IRAK1BP1: variants seen among roughly 807,000 people sequenced by gnomAD.
The protein encoded by IRAK1BP1 is interleukin-1 receptor-associated kinase 1-binding protein 1.
In IRAK1BP1, 24 loss-of-function variants were observed where a neutral mutation model predicts 28.0. The observed-to-expected ratio is 0.86, with a 90% CI of 0.62 to 1.20. IRAK1BP1 has a LOEUF of 1.20. Among genes scored for constraint, IRAK1BP1 ranks in the 50% most tolerant of loss-of-function variants. IRAK1BP1 has a pLI of 0.00. For missense variants in IRAK1BP1, 336 were observed against 316.7 expected (o/e 1.06, Z -0.46); for synonymous variants, 131 against 116.3 (o/e 1.13, Z -0.81).
the IRAK1BP1 span, among the ~76,000 whole-genome samples, chr6:78,973,945 C>T: frequency 0.037 from 5,581 of 151,752 alleles, 102 homozygotes; most frequent in Middle Eastern, 0.058. Flanking sequence ...TAACACCCCA[C>T]TGTCAACATT....
At chr6:78,977,395 G>A in the IRAK1BP1 span, among the ~76,000 whole-genome samples, 2 of 152,060 alleles carry the variant, frequency 1.3e-5, no homozygotes, top group Admixed American at 1.3e-4. Flanking sequence ...GGACGGGGGA[G>A]GGATAGCATT....
At chr6:78,921,812 AG>A (rs1452017492) in intron 4 of IRAK1BP1, among the ~76,000 whole-genome samples, 1 of 152,202 alleles carries the variant, frequency 6.6e-6, no homozygotes, top group South Asian at 2.1e-4. Flanking sequence ...CCAGGAAAAC[AG>A]GGTCTGGAGT....
the IRAK1BP1 span, among the ~76,000 whole-genome samples, chr6:78,974,493 A>T: frequency 6.6e-6 from 1 of 151,762 alleles, no homozygotes; most frequent in Non-Finnish European, 1.5e-5. Flanking sequence ...AAACACATTC[A>T]AAAGCTAGCA....
downstream of IRAK1BP1, chr6:78,947,681 T>C: frequency 1.9e-6 from 3 of 1,538,810 alleles, no homozygotes; most frequent in Non-Finnish European, 2.7e-6. Context: ...TCTGACATCT[T>C]TACATAACTC....
rs967324553 is a variant in IRAK1BP1, at chr6:78,901,105, T to A, written c.*2771T>A. The A allele has an allele frequency of 4.0e-5, 6 of 151,862 alleles. No homozygotes were observed. 9.4% of individuals were successfully genotyped at this position (151,862 alleles called of 1,614,324 possible). A position where few individuals can be genotyped will look rare whatever the true frequency, so the allele number is the denominator to read the frequency against. On this transcript the variant is annotated 3_prime_UTR_variant, in exon 4 of 4. Transcript: ENST00000369940. ...ATCACATGGGTAGTTTTTTTTTTTT[T>A]AGCTATGGGTTCATGCTGTATTTGG...
chr6:78,969,430 TATG>T, the IRAK1BP1 span, among the ~76,000 whole-genome samples: 1 of 152,236 alleles, frequency 6.6e-6, no homozygotes, highest in African/African-American at 2.4e-5. Context: ...GAGACTTGTT[TATG>T]ATACTAATTT....
the IRAK1BP1 span, among the ~76,000 whole-genome samples, chr6:78,954,482 T>C: frequency 6.6e-6 from 1 of 151,846 alleles, no homozygotes; most frequent in Non-Finnish European, 1.5e-5. Flanking sequence ...TTTTTCTAGA[T>C]AATTGCCATA....
chr6:78,979,001 C>T, the IRAK1BP1 span, among the ~76,000 whole-genome samples: 4 of 152,020 alleles, frequency 2.6e-5, no homozygotes, highest in African/African-American at 9.7e-5. Flanking sequence ...GATGTGTAGG[C>T]ACTGTAGTAG....
At chr6:78,945,527 A>T (rs778334586) in exon 5 of IRAK1BP1, 1 of 1,368,542 alleles carries the variant, frequency 7.3e-7, no homozygotes, top group East Asian at 2.4e-5. Flanking sequence ...TTTAAAAATT[A>T]AGAGTTATTG....
chr6:78,961,708 A>G, the IRAK1BP1 span: 1 of 1,612,454 alleles, frequency 6.2e-7, no homozygotes, highest in Non-Finnish European at 8.5e-7. Context: ...CCTGTTTTCC[A>G]GTCTTTGTTT....
intron 4 of IRAK1BP1, among the ~76,000 whole-genome samples, chr6:78,928,581 C>T (rs1285911842): frequency 2.0e-5 from 3 of 152,008 alleles, no homozygotes; most frequent in Admixed American, 6.6e-5. Flanking sequence ...GTGACAGTGT[C>T]CTTGTTGTAT....
chr6:78,870,366 T>C (rs1031421965), intron 1 of IRAK1BP1, among the ~76,000 whole-genome samples: 2 of 152,140 alleles, frequency 1.3e-5, no homozygotes, highest in East Asian at 1.9e-4. Flanking sequence ...TAAAAACTTA[T>C]CCTGTATCAT....
At chr6:78,970,540 T>G in the IRAK1BP1 span, among the ~76,000 whole-genome samples, 1 of 152,142 alleles carries the variant, frequency 6.6e-6, no homozygotes, top group African/African-American at 2.4e-5. Context: ...ATTACCTAAT[T>G]TTCACTATAA....
intron 4 of IRAK1BP1, among the ~76,000 whole-genome samples, chr6:78,923,639 C>CA (rs1386043020): frequency 2.0e-5 from 3 of 152,122 alleles, no homozygotes; most frequent in Non-Finnish European, 4.4e-5. Flanking sequence ...CACACCACAC[C>CA]TATTCCAAAA....
At chr6:78,867,970 C>T (rs1770646707) in intron 1 of IRAK1BP1, 79 bp downstream of exon 1, 1 of 1,416,462 alleles carries the variant, frequency 7.1e-7, no homozygotes, top group Non-Finnish European at 9.4e-7. Context: ...ACAGGCCCCC[C>T]TAGCGGGAAG....
intron 1 of IRAK1BP1, among the ~76,000 whole-genome samples, chr6:78,874,946 G>A (rs1296722827): frequency 6.6e-6 from 1 of 152,126 alleles, no homozygotes; most frequent in African/African-American, 2.4e-5. Flanking sequence ...TATCAACAGA[G>A]TAAACAGAAA....
At chr6:78,892,466 C>T (rs1181558279) in intron 2 of IRAK1BP1, among the ~76,000 whole-genome samples, 2 of 152,002 alleles carry the variant, frequency 1.3e-5, no homozygotes, top group African/African-American at 4.8e-5. Flanking sequence ...ATATTTTTTT[C>T]ATCTTATACT....
At chr6:78,923,730 A>C (rs541176292) in intron 4 of IRAK1BP1, among the ~76,000 whole-genome samples, 1 of 152,344 alleles carries the variant, frequency 6.6e-6, no homozygotes, top group Non-Finnish European at 1.5e-5. Context: ...CTCAGACCAC[A>C]GTGCAATCAA....
the IRAK1BP1 span, among the ~76,000 whole-genome samples, chr6:78,972,587 A>G: frequency 6.4e-4 from 98 of 152,320 alleles, 1 homozygote; most frequent in South Asian, 7.9e-3. Context: ...TCTGAGCTAC[A>G]GGAGGACATT....
Sources: gnomAD v4.1 joint callset for allele counts (sites outside exome capture counted in the v4.1 genomes callset) on GRCh38, gnomAD v4.1.1 for gene constraint, MANE v1.5 for transcripts, NCBI Gene and HGNC (gene_info 2026-07-23, HGNC 2026-07-21) for gene names.